ZNF331: variants seen among roughly 807,000 people sequenced by gnomAD.
ZNF331 encodes C2H2-like zinc finger protein rearranged in thyroid adenomas.
Under a neutral mutation model 7.0 loss-of-function variants are expected in ZNF331, and 2 were observed. The observed-to-expected ratio is 0.29, with a 90% CI of 0.12 to 0.90. ZNF331 has a LOEUF of 0.90. ZNF331 is among the 40% of genes least tolerant of loss of function. ZNF331 has a pLI of 0.58. For missense variants in ZNF331, 432 were observed against 587.7 expected (o/e 0.74, Z 2.74); for synonymous variants, 196 against 205.4 (o/e 0.95, Z 0.39).
At position 53,555,902 on chromosome 19, in the gene ZNF331, A is replaced by AAAG. The variant is rs1330787539; in HGVS notation, c.-80_-79insAAG. 2 of 146,128 alleles carry AAAG rather than the reference A, an allele frequency of 1.4e-5. No individual in the cohort carries two copies. The highest frequency in any genetic ancestry group is 3.0e-5 in the Non-Finnish European group (2 of 67,418). The allele number at this position is 146,128 out of a possible 1,614,324, so 9.1% of individuals were successfully genotyped here. On this transcript the variant is annotated 5_prime_UTR_variant, in exon 3 of 6. Coordinates refer to ENST00000449416, the MANE Select transcript of ZNF331 (RefSeq NM_001079906.2). Reference sequence around the variant, plus strand: ...AGGAAGACGAATCGTTAAACATCTTAGGTCAGGTGAGTATCTTTTTTTTTT... The same window carrying AAAG: ...AGGAAGACGAATCGTTAAACATCTTAAAGGGTCAGGTGAGTATCTTTTTTTTTT...
chr19:53,545,923 C>T (rs1182570645), intron 2 of ZNF331, among the ~76,000 whole-genome samples: 4 of 151,990 alleles, frequency 2.6e-5, no homozygotes, highest in African/African-American at 4.8e-5. Flanking sequence ...GGGAGCATCA[C>T]GTGTTCTAGA....
intron 2 of ZNF331, among the ~76,000 whole-genome samples, chr19:53,525,035 T>C (rs952914067): frequency 6.6e-5 from 10 of 152,230 alleles, no homozygotes; most frequent in African/African-American, 9.6e-5. Flanking sequence ...CTTTCCCCAT[T>C]TCTTGTTTTT....
In ZNF331 at chr19:53,539,270, C is replaced by T. The variant is rs778689793; in HGVS notation, c.-150C>T. On this transcript the variant is annotated 5_prime_UTR_variant, in exon 2 of 6. Coordinates refer to ENST00000449416, the MANE Select transcript of ZNF331 (RefSeq NM_001079906.2). This position sits in a 1 kb window ranked among gnomAD's most constrained non-coding sequence, Gnocchi z 6.1. ...AGGAGGAAGACGAATCGTTAAACAT[C>T]TGAAAGGGTCAGGTGAGTATCCTTT... The T allele has an allele frequency of 2.7e-5, 4 of 150,136 alleles. No individual in the cohort carries two copies. The highest frequency in any genetic ancestry group is 1.3e-4 in the Admixed American group (2 of 14,980). The allele number at this position is 150,136 out of a possible 1,614,324, so 9.3% of individuals were successfully genotyped here.
intron 2 of ZNF331, among the ~76,000 whole-genome samples, chr19:53,527,192 G>T (rs2087337227): frequency 6.6e-6 from 1 of 151,756 alleles, no homozygotes; most frequent in Non-Finnish European, 1.5e-5. Flanking sequence ...ATAAAAAAAA[G>T]GAAATATAAC....
chr19:53,563,094 C>A (rs975829881), intron 3 of ZNF331, among the ~76,000 whole-genome samples: 1 of 144,308 alleles, frequency 6.9e-6, no homozygotes, highest in African/African-American at 2.6e-5. Flanking sequence ...CACCCCCCCA[C>A]CCCCCGTCCC....
At chr19:53,515,758 A>G (rs186061887), upstream of ZNF331, among the ~76,000 whole-genome samples, 2 of 152,212 alleles carry the variant, frequency 1.3e-5, no homozygotes, top group Admixed American at 1.3e-4. Context: ...CGGCCTCCCA[A>G]AGTACTGGGA....
chr19:53,564,654 A>C (rs1261339541), intron 3 of ZNF331, among the ~76,000 whole-genome samples: 6 of 152,232 alleles, frequency 3.9e-5, no homozygotes, highest in Non-Finnish European at 8.8e-5. Flanking sequence ...AATCTGCATC[A>C]ATATCATTAG....
intron 2 of ZNF331, among the ~76,000 whole-genome samples, chr19:53,552,145 A>T (rs1429920581): frequency 2.6e-5 from 4 of 152,232 alleles, no homozygotes; most frequent in African/African-American, 7.2e-5. Context: ...TAAATGTCCT[A>T]TAACACATGG....
chr19:53,512,064 C>T, the ZNF331 span: 2 of 152,368 alleles, frequency 1.3e-5, no homozygotes, highest in Admixed American at 6.5e-5. Flanking sequence ...CAGAGCAGCA[C>T]CCTCTGCTGG....
chr19:53,532,028 A>G (rs1359408977), intron 2 of ZNF331, among the ~76,000 whole-genome samples: 1 of 152,012 alleles, frequency 6.6e-6, no homozygotes, highest in East Asian at 1.9e-4. Context: ...TATGTACAAC[A>G]TTATGTTTTG....
the ZNF331 span, among the ~76,000 whole-genome samples, chr19:53,513,300 A>G: frequency 6.6e-6 from 1 of 151,896 alleles, no homozygotes; most frequent in African/African-American, 2.4e-5. Context: ...GCTCTTGGAA[A>G]TACCCATTTC....
chr19:53,544,854 C>T (rs1382890551), intron 2 of ZNF331, among the ~76,000 whole-genome samples: 1 of 151,516 alleles, frequency 6.6e-6, no homozygotes, highest in Admixed American at 6.6e-5. Flanking sequence ...CTGCCTCAGC[C>T]TCCTGAGTAG....
chr19:53,533,980 A>G (rs2087640894), upstream of ZNF331, among the ~76,000 whole-genome samples: 1 of 152,344 alleles, frequency 6.6e-6, no homozygotes, highest in South Asian at 2.1e-4. Context: ...TACTCCTACA[A>G]TAAAGTAAGC....
intron 3 of ZNF331, among the ~76,000 whole-genome samples, chr19:53,563,084 C>A (rs1023749529): frequency 2.0e-5 from 3 of 146,416 alleles, no homozygotes; most frequent in African/African-American, 7.7e-5. Context: ...CTGGATTCCA[C>A]ACCCCCCCAC....
Position 53,579,702 on chromosome 19 carries a change from G to A in ZNF331, c.*1750G>A. On this transcript the variant is annotated 3_prime_UTR_variant, in exon 6 of 6. Transcript: ENST00000449416. The stretch of plus-strand genomic sequence containing the variant: ...TAAGAGATTATTGGCACAGCCGTGG[G>A]TTACGCAATGATTTCTTAGTACACA... 1 of 198,544 alleles carries A rather than the reference G, an allele frequency of 5.0e-6. No individual in the cohort carries two copies. The highest frequency in any genetic ancestry group is 1.9e-4 in the South Asian group (1 of 5,200). The allele number at this position is 198,544 out of a possible 1,614,324, so 12.3% of individuals were successfully genotyped here.
rs1229267123 is a variant in ZNF331, at chr19:53,579,740, CAT to C, written c.*1790_*1791del. On this transcript the variant is annotated 3_prime_UTR_variant, in exon 6 of 6. Coordinates refer to ENST00000449416, the MANE Select transcript of ZNF331 (RefSeq NM_001079906.2). ...TTCTTAGTACACAAAACACAGCAAA[CAT>C]AAAAAGTTGTTACACTTCATCAAAA... The C allele has an allele frequency of 1.0e-5, 2 of 197,306 alleles. No individual in the cohort carries two copies. The highest frequency in any genetic ancestry group is 1.6e-4 in the East Asian group (2 of 12,558). The allele number at this position is 197,306 out of a possible 1,614,324, so 12.2% of individuals were successfully genotyped here. A position where few individuals can be genotyped will look rare whatever the true frequency, so the allele number is the denominator to read the frequency against.
chr19:53,569,809 T>C (rs2090348613), intron 4 of ZNF331, among the ~76,000 whole-genome samples: 2 of 152,126 alleles, frequency 1.3e-5, no homozygotes, highest in African/African-American at 2.4e-5. Context: ...ATCCCAAGCT[T>C]TATGGGACTT....
chr19:53,504,474 T>G, the ZNF331 span, among the ~76,000 whole-genome samples: 1 of 152,026 alleles, frequency 6.6e-6, no homozygotes, highest in East Asian at 1.9e-4. Context: ...CACACCGCCC[T>G]GGAGCAGCTC....
intron 3 of ZNF331, among the ~76,000 whole-genome samples, chr19:53,562,310 G>A (rs1386991698): frequency 6.6e-6 from 1 of 152,154 alleles, no homozygotes. Context: ...CAAAGACTGT[G>A]TAAGTAACAT....
Sources: gnomAD v4.1 joint callset for allele counts (sites outside exome capture counted in the v4.1 genomes callset) on GRCh38, gnomAD v4.1.1 for gene constraint, Gnocchi (gnomAD v3.1) non-coding constraint, MANE v1.5 for transcripts, NCBI Gene and HGNC (gene_info 2026-07-23, HGNC 2026-07-21) for gene names.